The following MBNL2 variants were observed in gnomAD, a reference collection of about 807,000 sequenced individuals.
MBNL2 encodes muscleblind-like protein 2.
In MBNL2, 17 loss-of-function variants were observed where a neutral mutation model predicts 41.9. That is an observed-to-expected ratio of 0.41 (90% CI 0.28 to 0.61). MBNL2 has a LOEUF of 0.61. Ranked by LOEUF, MBNL2 falls within the 20% of genes least tolerant of loss-of-function variation. The pLI, the probability that MBNL2 is intolerant of heterozygous loss-of-function variation, is 0.35. For synonymous variants in MBNL2, 195 were observed against 182.9 expected (o/e 1.07, Z -0.53); for missense variants, 336 against 505.6 (o/e 0.66, Z 3.22).
the MBNL2 span, among the ~76,000 whole-genome samples, chr13:97,159,709 A>T: frequency 6.6e-6 from 1 of 151,220 alleles, no homozygotes; most frequent in Non-Finnish European, 1.5e-5. Context: ...TTCTTTAAGA[A>T]TGTTGAATAT....
chr13:97,291,809 C>T (rs1044484246), intron 2 of MBNL2, among the ~76,000 whole-genome samples: 4 of 147,692 alleles, frequency 2.7e-5, no homozygotes, highest in South Asian at 2.2e-4. Flanking sequence ...GCAGGAGAAT[C>T]GCTTGAACCT....
chr13:97,219,944 A>G (rs2040716611), upstream of MBNL2, among the ~76,000 whole-genome samples: 1 of 152,256 alleles, frequency 6.6e-6, no homozygotes. Context: ...GAGATGAAGC[A>G]AAGTGAAACA....
intron 2 of MBNL2, among the ~76,000 whole-genome samples, chr13:97,319,427 G>T (rs572790725): frequency 3.0e-4 from 46 of 152,204 alleles, no homozygotes; most frequent in African/African-American, 1.0e-3. Flanking sequence ...GAATAGGCAG[G>T]GTGGTCGTGA....
At chr13:97,186,426 C>T in the MBNL2 span, among the ~76,000 whole-genome samples, 2 of 152,212 alleles carry the variant, frequency 1.3e-5, no homozygotes, top group African/African-American at 4.8e-5. Context: ...CGGAGAGCTG[C>T]TCAGATGTTC....
chr13:97,246,844 T>A (rs558265795), intron 1 of MBNL2, among the ~76,000 whole-genome samples: 13 of 152,358 alleles, frequency 8.5e-5, no homozygotes, highest in African/African-American at 3.1e-4. Flanking sequence ...CAGTCAGCTT[T>A]ATCGCCAAGC....
At chr13:97,389,852 C>CAGAT (rs1382073680) in intron 8 of MBNL2, among the ~76,000 whole-genome samples, 6 of 151,898 alleles carry the variant, frequency 4.0e-5, no homozygotes, top group East Asian at 1.9e-4. Context: ...GGAAAACTTA[C>CAGAT]AGATAGGCTT....
chr13:97,253,668 C>G (rs1005135592), intron 1 of MBNL2, among the ~76,000 whole-genome samples: 3 of 152,056 alleles, frequency 2.0e-5, no homozygotes, highest in African/African-American at 7.2e-5. Context: ...AGTTTTATCA[C>G]TCATATAAAA....
At chr13:97,328,173 CTTTTTT>C (rs35671709) in intron 2 of MBNL2, among the ~76,000 whole-genome samples, 2 of 131,802 alleles carry the variant, frequency 1.5e-5, no homozygotes, top group African/African-American at 5.8e-5. Flanking sequence ...TTCCTTAACC[CTTTTTT>C]TTTTTTTTTT....
the MBNL2 span, among the ~76,000 whole-genome samples, chr13:97,206,301 G>A: frequency 3.3e-5 from 5 of 151,310 alleles, no homozygotes; most frequent in African/African-American, 7.3e-5. Flanking sequence ...TCACTGCATC[G>A]TGACTGAGGA....
At chr13:97,370,047 ATATTC>A (rs1479517586) in intron 8 of MBNL2, among the ~76,000 whole-genome samples, 1 of 152,146 alleles carries the variant, frequency 6.6e-6, no homozygotes, top group Non-Finnish European at 1.5e-5. Context: ...ATATCATCAT[ATATTC>A]TATTATATAC....
intron 2 of MBNL2, among the ~76,000 whole-genome samples, chr13:97,296,818 G>A (rs1416990654): frequency 6.6e-6 from 1 of 152,154 alleles, no homozygotes; most frequent in African/African-American, 2.4e-5. Flanking sequence ...CTGACTTCAT[G>A]GAGCTGAAGA....
At chr13:97,287,928 T>C (rs1487614482) in intron 2 of MBNL2, among the ~76,000 whole-genome samples, 4 of 88,116 alleles carry the variant, frequency 4.5e-5, no homozygotes, top group African/African-American at 1.5e-4. Flanking sequence ...GTTTTTTTTT[T>C]GTTTTGTTTT....
At chr13:97,155,530 A>G in the MBNL2 span, among the ~76,000 whole-genome samples, 1,652 of 149,846 alleles carry the variant, frequency 0.011, 29 homozygotes, top group East Asian at 0.036. Flanking sequence ...ATATCTCCCA[A>G]TGCTATCCCT....
chr13:97,369,626 T>C (rs941334455), intron 8 of MBNL2, among the ~76,000 whole-genome samples: 3 of 152,198 alleles, frequency 2.0e-5, no homozygotes, highest in Non-Finnish European at 4.4e-5. Flanking sequence ...AAGTCATTGA[T>C]TGAAGAAAGA....
chr13:97,366,319 T>C lies in MBNL2; in HGVS notation c.1048+1148T>C. On this transcript the variant is annotated intron_variant, in intron 8 of 8. Transcript: ENST00000679496. This position sits in a 1 kb window ranked among gnomAD's most constrained non-coding sequence, Gnocchi z 4.7. The stretch of plus-strand genomic sequence containing the variant: ...TATTTCTCTCCCATGCTTCCTTGCT[T>C]TGCATTGTGATTGCATGCCATCTGC... 1.7e-6 allele frequency: 1 copy of C among 586,900 alleles called. No homozygotes were observed. Among genetic ancestry groups the C allele is most frequent in the Non-Finnish European group, 3.1e-6 (1 of 323,176 alleles). The allele number at this position is 586,900 out of a possible 1,614,324, so 36.4% of individuals were successfully genotyped here. A position where few individuals can be genotyped will look rare whatever the true frequency, so the allele number is the denominator to read the frequency against.
intron 1 of MBNL2, among the ~76,000 whole-genome samples, chr13:97,229,045 T>C (rs1299761753): frequency 6.6e-6 from 1 of 151,100 alleles, no homozygotes; most frequent in Non-Finnish European, 1.5e-5. Flanking sequence ...GGATGTTGCG[T>C]AATTGAGTAG....
At chr13:97,184,466 C>T in the MBNL2 span, among the ~76,000 whole-genome samples, 2 of 152,130 alleles carry the variant, frequency 1.3e-5, no homozygotes, top group Non-Finnish European at 2.9e-5. Flanking sequence ...ATAACCATCC[C>T]ATCCTTCCGT....
At chr13:97,175,289 C>T in the MBNL2 span, among the ~76,000 whole-genome samples, 1 of 152,178 alleles carries the variant, frequency 6.6e-6, no homozygotes, top group Admixed American at 6.5e-5. Context: ...CCTACCCACT[C>T]CTACTTCTTC....
intron 2 of MBNL2, among the ~76,000 whole-genome samples, chr13:97,317,907 T>C (rs2059192559): frequency 6.6e-6 from 1 of 152,246 alleles, no homozygotes; most frequent in Non-Finnish European, 1.5e-5. Context: ...GTATATGCAT[T>C]GCAGATTTAT....
Sources: allele counts gnomAD v4.1 joint callset (sites outside exome capture counted in the v4.1 genomes callset), GRCh38; gene constraint gnomAD v4.1.1; non-coding constraint Gnocchi (gnomAD v3.1); transcripts MANE v1.5; gene names NCBI Gene and HGNC (gene_info 2026-07-23, HGNC 2026-07-21).